Variants in CASK observed in about 807,000 individuals in gnomAD.
CASK encodes calcium/calmodulin dependent serine protein kinase.
A neutral mutation model predicts 82.9 loss-of-function variants in CASK; 4 were observed. The observed-to-expected ratio is 0.05, with a 90% CI of 0.02 to 0.11. The LOEUF (loss-of-function observed/expected upper bound fraction) is 0.11. Among genes scored for constraint, CASK ranks in the 10% least tolerant of loss-of-function variants. The pLI, the probability that CASK is intolerant of heterozygous loss-of-function variation, is 1.00. For synonymous variants in CASK, 259 were observed against 253.5 expected (o/e 1.02, Z -0.20); for missense variants, 358 against 720.9 (o/e 0.50, Z 5.76).
chrX:41,897,823 C>G (rs2072296870), intron 1 of CASK, among the ~76,000 whole-genome samples: 1 of 111,797 alleles, frequency 8.9e-6, no homozygotes, highest in African/African-American at 3.2e-5. Flanking sequence ...ATCTGTTGTA[C>G]CAAGCATGCA....
At chrX:41,826,971 T>C (rs1354221944) in intron 2 of CASK, among the ~76,000 whole-genome samples, 1 of 112,098 alleles carries the variant, frequency 8.9e-6, no homozygotes, top group Non-Finnish European at 1.9e-5. Context: ...GGTGAAACTG[T>C]TATTAACTCC....
chrX:41,735,906 GT>G (rs1034080849), intron 5 of CASK, among the ~76,000 whole-genome samples: 1 of 111,280 alleles, frequency 9.0e-6, no homozygotes, highest in Non-Finnish European at 1.9e-5. Flanking sequence ...GACCACTCTA[GT>G]TTTTTCTGTG....
chrX:41,837,339 G>C (rs2070945487), intron 2 of CASK, among the ~76,000 whole-genome samples: 1 of 111,588 alleles, frequency 9.0e-6, no homozygotes, highest in African/African-American at 3.3e-5. Flanking sequence ...ATGCACTCAT[G>C]TGTCTATGTG....
rs777920844 is a variant in CASK at position 41,774,161 on chromosome X, G to T, written c.278+13017C>A. ...AGAAGAAGTCAAATTGTCCCTGTTT[G>T]CAGATGACATGATTGTATATCTAGA... On this transcript the variant is annotated intron_variant, in intron 3 of 26. Transcript: ENST00000378163. Among the ~76,000 whole-genome samples the T allele has an allele frequency of 2.7e-5, 3 of 111,139 alleles. 1 individual carries two copies. The South Asian group carries it at 1.1e-3, about 42-fold the overall frequency.
At chrX:41,632,423 T>A (rs993390626) in intron 9 of CASK, among the ~76,000 whole-genome samples, 1 of 111,903 alleles carries the variant, frequency 8.9e-6, no homozygotes, top group Non-Finnish European at 1.9e-5. Context: ...TTACCAAGAC[T>A]CTATAGCAAT....
At position 41,922,941 on chromosome X, in the gene CASK, C is replaced by T. The variant is rs1359399850; in HGVS notation, c.48G>A (p.Glu16=). Residue 16 remains glutamate, a synonymous_variant, in exon 1 of 27, where the codon GAG becomes GAA. Coordinates refer to ENST00000378163, the MANE Select transcript of CASK (RefSeq NM_001367721.1). ...VLFEDVYELC[E]VIGKGPFSVV... ...GCGTGGAGACTCACTTTCCGATCACCTCGCACAGCTCGTACACATCCTCGA... is the reference window on the plus strand; with the variant it reads ...GCGTGGAGACTCACTTTCCGATCACTTCGCACAGCTCGTACACATCCTCGA... 5.0e-6 allele frequency: 6 copies of T among 1,210,958 alleles called. No individual in the cohort carries two copies. Among genetic ancestry groups the T allele is most frequent in the Middle Eastern group, 2.3e-4 (1 of 4,354 alleles).
intron 18 of CASK, chrX:41,558,297 C>T (rs2065183979): frequency 9.2e-6 from 1 of 109,054 alleles, no homozygotes; most frequent in African/African-American, 3.3e-5. Flanking sequence ...ATTTTTTCTA[C>T]TATTCAAAGG....
intron 1 of CASK, among the ~76,000 whole-genome samples, chrX:41,868,854 C>T (rs1356013726): frequency 9.0e-6 from 1 of 111,290 alleles, no homozygotes; most frequent in Non-Finnish European, 1.9e-5. Context: ...TGTACAAGTA[C>T]TTCTTCATTA....
chrX:41,749,417 G>C (rs1455028060), intron 3 of CASK, among the ~76,000 whole-genome samples: 1 of 57,637 alleles, frequency 1.7e-5, no homozygotes, highest in Admixed American at 2.9e-4. Flanking sequence ...ACAGAGTCTT[G>C]CTCTGTCACC....
At chrX:41,587,692 A>C (rs2065676795) in intron 13 of CASK, 1 of 112,102 alleles carries the variant, frequency 8.9e-6, no homozygotes, top group African/African-American at 3.2e-5. Context: ...TTTTCTGCAC[A>C]GGTAAAATTG....
chrX:41,741,413 C>T (rs1336327929), intron 4 of CASK, among the ~76,000 whole-genome samples: 1 of 112,002 alleles, frequency 8.9e-6, no homozygotes, highest in African/African-American at 3.2e-5. Flanking sequence ...TAGATGTCAA[C>T]ATGGAAATAC....
intron 24 of CASK, among the ~76,000 whole-genome samples, chrX:41,531,675 A>T (rs1184439573): frequency 8.9e-6 from 1 of 112,694 alleles, no homozygotes; most frequent in Admixed American, 9.4e-5. Flanking sequence ...CATTTCAAGG[A>T]TTCAATAACC....
chrX:41,852,505 A>T (rs1173557822), intron 2 of CASK, among the ~76,000 whole-genome samples: 1 of 111,813 alleles, frequency 8.9e-6, no homozygotes, highest in South Asian at 3.7e-4. Context: ...CTTAAAAAAC[A>T]AACAAAATAA....
intron 2 of CASK, among the ~76,000 whole-genome samples, chrX:41,795,375 C>T (rs981194181): frequency 3.6e-5 from 4 of 112,329 alleles, no homozygotes; most frequent in Admixed American, 2.8e-4. Context: ...TAAAAACTGA[C>T]TTAGAGACGA....
chrX:41,524,044 G>GAAAAAA lies in CASK; in HGVS notation c.2521-16_2521-11dup. ...TCAGGACCTTCAGTGCCTGTGTTAAGAAAAAAAAAAAAAATCCCGACTTAA... is the reference window on the plus strand; with the variant it reads ...TCAGGACCTTCAGTGCCTGTGTTAAGAAAAAAAAAAAAAAAAAAAATCCCGACTTAA... On this transcript the variant is annotated splice_polypyrimidine_tract_variant and intron_variant, in intron 25 of 26. Transcript: ENST00000378163. 2 of 904,092 alleles carry GAAAAAA rather than the reference G, an allele frequency of 2.2e-6. No homozygotes were observed. The highest frequency in any genetic ancestry group is 1.5e-6 in the Non-Finnish European group (1 of 662,068). 74.5% of individuals were successfully genotyped at this position (904,092 alleles called of 1,213,427 possible). A position where few individuals can be genotyped will look rare whatever the true frequency, so the allele number is the denominator to read the frequency against.
intron 1 of CASK, among the ~76,000 whole-genome samples, chrX:41,909,604 G>C (rs2072526051): frequency 9.1e-6 from 1 of 110,119 alleles, no homozygotes; most frequent in South Asian, 3.9e-4. Context: ...CAAAGCCCAT[G>C]TTCTTGTTTT....
intron 11 of CASK, among the ~76,000 whole-genome samples, chrX:41,612,013 C>G (rs1368435460): frequency 8.9e-6 from 1 of 112,366 alleles, no homozygotes; most frequent in Non-Finnish European, 1.9e-5. Context: ...CAATGGTGCC[C>G]AGGCTGGAGT....
intron 1 of CASK, among the ~76,000 whole-genome samples, chrX:41,872,416 T>C (rs768614148): frequency 8.9e-6 from 1 of 112,133 alleles, no homozygotes; most frequent in South Asian, 3.7e-4. Context: ...TATCACATTC[T>C]AGATCTCATG....
intron 9 of CASK, among the ~76,000 whole-genome samples, chrX:41,630,204 C>T (rs1011856532): frequency 8.9e-6 from 1 of 111,928 alleles, no homozygotes; most frequent in African/African-American, 3.2e-5. Context: ...ATATGTCAAA[C>T]ATCAAAATGG....
Sources: gnomAD v4.1 joint callset for allele counts (sites outside exome capture counted in the v4.1 genomes callset) on GRCh38, gnomAD v4.1.1 for gene constraint, MANE v1.5 for transcripts, NCBI Gene and HGNC (gene_info 2026-07-23, HGNC 2026-07-21) for gene names.